The following ARHGEF3 variants were observed in gnomAD, a reference collection of about 807,000 sequenced individuals.
ARHGEF3 encodes the protein Rho guanine nucleotide exchange factor 3, also known as 59.8 kDA protein.
In ARHGEF3, 28 loss-of-function variants were observed where a neutral mutation model predicts 63.2. The ratio of observed to expected loss-of-function variants is 0.44; its 90% CI spans 0.33 to 0.61. The LOEUF (loss-of-function observed/expected upper bound fraction) is 0.61. ARHGEF3 is among the 20% of genes least tolerant of loss of function. The probability of loss-of-function intolerance (pLI) is 0.03; values close to 1 mark genes in which losing one functional copy is unlikely to be tolerated. For synonymous variants in ARHGEF3, 266 were observed against 254.2 expected, an observed-to-expected ratio of 1.05 and a Z score of -0.44; for missense variants, 533 against 659.3, an observed-to-expected ratio of 0.81 and a Z score of 2.10.
At chr3:56,809,771 C>T (rs894221372) in intron 4 of ARHGEF3, among the ~76,000 whole-genome samples, 1 of 151,198 alleles carries the variant, frequency 6.6e-6, no homozygotes, top group Non-Finnish European at 1.5e-5. Context: ...CTCACTTTGT[C>T]ACCCAGGCTG....
rs370794396 is a variant in ARHGEF3, at chr3:56,732,469, T to A, written c.1042-45A>T. 216 of 1,603,420 alleles carry A rather than the reference T, an allele frequency of 1.3e-4. No individual in the cohort carries two copies. The Middle Eastern group carries it at 1.8e-3, about 14-fold the overall frequency. ...AAGCTTTCATTAAGCAATAATGTAA[T>A]GAGTGGTTGATATGTGGACCTCTGT... On this transcript the variant is annotated intron_variant, in intron 8 of 9. Coordinates refer to ENST00000296315, the MANE Select transcript of ARHGEF3 (RefSeq NM_019555.3).
intron 2 of ARHGEF3, among the ~76,000 whole-genome samples, chr3:56,998,488 G>A (rs1329052702): frequency 6.6e-6 from 1 of 151,714 alleles, no homozygotes; most frequent in African/African-American, 2.4e-5. Flanking sequence ...CCTTGCTATG[G>A]GGACCCCAGG....
rs112520149 is a variant in ARHGEF3, at chr3:56,846,343, T to C, written c.192+35949A>G. On this transcript the variant is annotated intron_variant, in intron 4 of 12. Coordinates refer to the ARHGEF3 transcript ENST00000338458. ...ATAGGTATTGAATTGGAACTCCAGA[T>C]CATGGTCTTATAGCTCAGGGAGAGG... Among the ~76,000 whole-genome samples, 518 of 152,304 alleles carry C rather than the reference T, an allele frequency of 3.4e-3. 4 individuals are homozygous for C. Among genetic ancestry groups the C allele is most frequent in the African/African-American group, 0.012 (484 of 41,572 alleles).
intron 3 of ARHGEF3, 37 bp downstream of exon 3, chr3:56,754,944 C>A (rs762734899): frequency 6.2e-7 from 1 of 1,613,426 alleles, no homozygotes; most frequent in Admixed American, 1.7e-5. Flanking sequence ...CACCTTTGTT[C>A]CAGACACACA....
At chr3:56,968,071 A>T (rs1317523258) in intron 2 of ARHGEF3, among the ~76,000 whole-genome samples, 2 of 44,182 alleles carry the variant, frequency 4.5e-5, no homozygotes, top group East Asian at 1.3e-3. Flanking sequence ...AATATATATA[A>T]TATATTATAT....
At chr3:56,747,260 T>C (rs2034447207) in intron 6 of ARHGEF3, among the ~76,000 whole-genome samples, 1 of 152,168 alleles carries the variant, frequency 6.6e-6, no homozygotes, top group Admixed American at 6.5e-5. Flanking sequence ...CCATTGGATG[T>C]AAACTAGTGA....
intron 1 of ARHGEF3, among the ~76,000 whole-genome samples, chr3:57,046,995 C>T (rs1018392150): frequency 2.6e-5 from 4 of 152,186 alleles, no homozygotes; most frequent in African/African-American, 9.7e-5. Context: ...GCTATTAAAA[C>T]ATCTATATTG....
chr3:56,864,197 A>C (rs1167044120), intron 4 of ARHGEF3, among the ~76,000 whole-genome samples: 1 of 152,194 alleles, frequency 6.6e-6, no homozygotes, highest in Non-Finnish European at 1.5e-5. Flanking sequence ...TACTGTTCTT[A>C]GTATAAAGAT....
chr3:56,989,049 AAGAC>A (rs1164256166), intron 2 of ARHGEF3, among the ~76,000 whole-genome samples: 1 of 152,140 alleles, frequency 6.6e-6, no homozygotes, highest in African/African-American at 2.4e-5. Flanking sequence ...TCCAAGGAGA[AAGAC>A]AGCACCGATT....
chr3:56,982,431 C>T (rs1441916363), intron 2 of ARHGEF3, among the ~76,000 whole-genome samples: 3 of 151,952 alleles, frequency 2.0e-5, no homozygotes, highest in Admixed American at 6.6e-5. Flanking sequence ...TGTAATGGAG[C>T]GAAACCCCTC....
rs550911717 is a variant in ARHGEF3, at chr3:56,821,290, G to T, written c.193-47474C>A. ...CCTAAAAACACAGTGTAGTGAGACT[G>T]GGAAGAAGTTAGTAATTGTTGAAGC... On this transcript the variant is annotated intron_variant, in intron 4 of 12. Coordinates refer to the ARHGEF3 transcript ENST00000338458. Among the ~76,000 whole-genome samples, 3 of 152,314 alleles carry T rather than the reference G, an allele frequency of 2.0e-5. 1 individual carries two copies. In the South Asian group the frequency reaches 6.2e-4, roughly 32 times the overall value.
At position 56,727,927 on chromosome 3, in the gene ARHGEF3, T is replaced by C. The variant is rs2032837534; in HGVS notation, c.*1343A>G. On this transcript the variant is annotated 3_prime_UTR_variant, in exon 10 of 10. Coordinates refer to ENST00000296315, the MANE Select transcript of ARHGEF3 (RefSeq NM_019555.3). ...ATTTACTGCTTTCTTTTCTGTAAAC[T>C]TGAAAGACAGATTAAAAAAAACTTT... 1 of 152,632 alleles carries C rather than the reference T, an allele frequency of 6.6e-6. No homozygotes were observed. The highest frequency in any genetic ancestry group is 6.5e-5 in the Admixed American group (1 of 15,268). 9.5% of individuals were successfully genotyped at this position (152,632 alleles called of 1,614,324 possible). A position where few individuals can be genotyped will look rare whatever the true frequency, so the allele number is the denominator to read the frequency against.
intron 8 of ARHGEF3, among the ~76,000 whole-genome samples, chr3:56,733,984 C>CA (rs777924213): frequency 0.046 from 2,501 of 54,424 alleles, 75 homozygotes; most frequent in African/African-American, 0.053. Context: ...AATTCTGTCT[C>CA]AAAAAAAAAA....
Position 56,956,970 on chromosome 3 carries a change from C to T in ARHGEF3, c.129+1853G>A, listed in dbSNP as rs560757960. 3.9e-5 allele frequency among the ~76,000 whole-genome samples: 6 copies of T among 152,328 alleles called. No homozygotes were observed. In the East Asian group the frequency reaches 5.8e-4, roughly 15 times the overall value. ...ACCAGTTCTCCTTATGGAGTCTCCA[C>T]GTACATCAACACTTCAAAGGCTCTG... is the stretch of plus-strand genomic sequence containing the variant. On this transcript the variant is annotated intron_variant, in intron 3 of 12. Coordinates refer to the ARHGEF3 transcript ENST00000338458.
rs555685284 is a variant in ARHGEF3 at position 57,007,216 on chromosome 3, C to T, written c.62+27872G>A. ...CAGTTTGTTCTGGAATCTTAGGAGT[C>T]GAAGGTGGGGGGGTCAATAACACCA... On this transcript the variant is annotated intron_variant, in intron 2 of 12. Transcript: ENST00000338458. 27 of 1,288,768 alleles carry T rather than the reference C, an allele frequency of 2.1e-5. No homozygotes were observed. In the South Asian group the frequency reaches 3.0e-4, roughly 14 times the overall value. 79.8% of individuals were successfully genotyped at this position (1,288,768 alleles called of 1,614,324 possible). A position where few individuals can be genotyped will look rare whatever the true frequency, so the allele number is the denominator to read the frequency against.
chr3:56,855,419 C>G (rs577173673), intron 4 of ARHGEF3, among the ~76,000 whole-genome samples: 1 of 152,014 alleles, frequency 6.6e-6, no homozygotes, highest in South Asian at 2.1e-4. Context: ...CGTGGTGGTT[C>G]CTGCCTGTAA....
chr3:56,824,024 C>T (rs1331149266), intron 4 of ARHGEF3, among the ~76,000 whole-genome samples: 3 of 148,676 alleles, frequency 2.0e-5, no homozygotes, highest in Non-Finnish European at 3.0e-5. Flanking sequence ...GCCAGATGGA[C>T]GAGAAGGCTG....
intron 2 of ARHGEF3, among the ~76,000 whole-genome samples, chr3:56,996,462 G>A (rs1052261692): frequency 4.6e-5 from 7 of 152,160 alleles, no homozygotes; most frequent in African/African-American, 1.7e-4. Flanking sequence ...CCTCTGGAAG[G>A]TGATTAAATG....
intron 3 of ARHGEF3, among the ~76,000 whole-genome samples, chr3:56,906,935 T>C (rs999514841): frequency 6.6e-6 from 1 of 151,220 alleles, no homozygotes; most frequent in South Asian, 2.1e-4. Context: ...TTTAATGTGG[T>C]TACTAAGAAA....
Sources: allele counts gnomAD v4.1 joint callset (sites outside exome capture counted in the v4.1 genomes callset), GRCh38; gene constraint gnomAD v4.1.1; transcripts MANE v1.5; gene names NCBI Gene and HGNC (gene_info 2026-07-23, HGNC 2026-07-21).